DPP10: variants seen among roughly 807,000 people sequenced by gnomAD.
The protein encoded by DPP10 is dipeptidyl peptidase like 10, also known as inactive dipeptidyl peptidase 10.
In DPP10, 33 loss-of-function variants were observed where a neutral mutation model predicts 120.9. The observed-to-expected ratio is 0.27, with a 90% CI of 0.21 to 0.37. The LOEUF (loss-of-function observed/expected upper bound fraction) is 0.37, where lower values mean the gene tolerates loss of function less well. DPP10 is among the 10% of genes least tolerant of loss of function. The pLI is 1.00. For synonymous variants in DPP10, 337 were observed against 326.1 expected (o/e 1.03, Z -0.36); for missense variants, 816 against 942.8 (o/e 0.87, Z 1.76).
chr2:114,796,163 A>G (rs1375347421), intron 1 of DPP10, among the ~76,000 whole-genome samples: 1 of 152,156 alleles, frequency 6.6e-6, no homozygotes, highest in Non-Finnish European at 1.5e-5. Flanking sequence ...CACTGTATTT[A>G]GTGCAATACA....
intron 5 of DPP10, among the ~76,000 whole-genome samples, chr2:115,602,921 A>G (rs1289961619): frequency 6.6e-6 from 1 of 152,176 alleles, no homozygotes; most frequent in Non-Finnish European, 1.5e-5. Flanking sequence ...AATTATAATT[A>G]TTTTTAAATA....
At chr2:114,627,955 A>G (rs983584503) in intron 1 of DPP10, among the ~76,000 whole-genome samples, 71 of 152,150 alleles carry the variant, frequency 4.7e-4, no homozygotes, top group Non-Finnish European at 7.4e-5. Flanking sequence ...GAAATGGGGT[A>G]CTTTCAGCAT....
At chr2:115,713,403 AT>A (rs2092393491) in intron 7 of DPP10, among the ~76,000 whole-genome samples, 1 of 152,190 alleles carries the variant, frequency 6.6e-6, no homozygotes, top group African/African-American at 2.4e-5. Flanking sequence ...ATTATTGAAC[AT>A]TATTATGGGA....
chr2:115,728,831 T>G (rs948617704), intron 8 of DPP10, among the ~76,000 whole-genome samples: 3 of 152,206 alleles, frequency 2.0e-5, no homozygotes, highest in Admixed American at 6.5e-5. Flanking sequence ...GATGTCTAGG[T>G]GCCAGGATAA....
At chr2:115,226,254 T>C (rs1375127031) in intron 1 of DPP10, among the ~76,000 whole-genome samples, 1 of 152,178 alleles carries the variant, frequency 6.6e-6, no homozygotes, top group Non-Finnish European at 1.5e-5. Flanking sequence ...CTGTTTGATA[T>C]GTTCTTTATT....
chr2:114,834,879 C>T (rs1687556622), intron 1 of DPP10, among the ~76,000 whole-genome samples: 1 of 148,314 alleles, frequency 6.7e-6, no homozygotes, highest in South Asian at 2.1e-4. Flanking sequence ...GACATATCTA[C>T]ACAACTATGT....
chr2:114,996,176 G>A (rs948732463), intron 1 of DPP10, among the ~76,000 whole-genome samples: 3 of 152,180 alleles, frequency 2.0e-5, no homozygotes. Flanking sequence ...TCTTCTGAGG[G>A]ATTTAATTTA....
intron 1 of DPP10, among the ~76,000 whole-genome samples, chr2:114,490,514 T>A (rs1327784737): frequency 1.3e-5 from 2 of 152,150 alleles, no homozygotes; most frequent in East Asian, 3.9e-4. Context: ...GCTCCACACC[T>A]GTAATCAATG....
intron 7 of DPP10, among the ~76,000 whole-genome samples, chr2:115,699,620 C>A (rs1318755892): frequency 2.6e-5 from 4 of 152,064 alleles, no homozygotes; most frequent in African/African-American, 9.7e-5. Flanking sequence ...AAAAGAAAAA[C>A]AAACAAACCA....
chr2:114,593,900 G>A (rs1320851921), intron 1 of DPP10, among the ~76,000 whole-genome samples: 2 of 152,172 alleles, frequency 1.3e-5, no homozygotes, highest in Non-Finnish European at 2.9e-5. Context: ...CCTCACTGCT[G>A]TTTGCTGCGG....
intron 5 of DPP10, among the ~76,000 whole-genome samples, chr2:115,592,393 T>C (rs1339431612): frequency 2.0e-5 from 3 of 151,794 alleles, no homozygotes; most frequent in African/African-American, 2.4e-5. Context: ...CTTTTAAAGG[T>C]GTCAGCCTCT....
chr2:115,089,216 G>C lies in DPP10; in HGVS notation c.61-220023G>C, dbSNP rs191989654. Reference sequence around the variant, plus strand: ...TACCTAGACCTCATGGTCAATCATCGCATTGATCATTTCTTTCTAATATTA... The same window carrying C: ...TACCTAGACCTCATGGTCAATCATCCCATTGATCATTTCTTTCTAATATTA... On this transcript the variant is annotated intron_variant, in intron 1 of 25. Coordinates refer to ENST00000410059, the MANE Select transcript of DPP10 (RefSeq NM_020868.6). Among the ~76,000 whole-genome samples, 11 of 151,702 alleles carry C rather than the reference G, an allele frequency of 7.3e-5. No homozygotes were observed. The East Asian group carries it at 2.1e-3, about 29-fold the overall frequency.
intron 1 of DPP10, among the ~76,000 whole-genome samples, chr2:114,840,638 A>T (rs945048707): frequency 6.6e-6 from 1 of 152,182 alleles, no homozygotes; most frequent in Non-Finnish European, 1.5e-5. Flanking sequence ...TTATAGATTT[A>T]TTCAAGAAGA....
intron 1 of DPP10, among the ~76,000 whole-genome samples, chr2:114,922,741 T>C (rs1695290351): frequency 2.0e-5 from 3 of 152,244 alleles, no homozygotes; most frequent in African/African-American, 7.2e-5. Flanking sequence ...TTAAAACTGA[T>C]GAACAATATT....
At chr2:114,633,519 G>C (rs1235915366) in intron 1 of DPP10, among the ~76,000 whole-genome samples, 1 of 151,266 alleles carries the variant, frequency 6.6e-6, no homozygotes, top group Non-Finnish European at 1.5e-5. Context: ...CTCCCAAAGT[G>C]CTCGGATTAC....
Position 114,999,222 on chromosome 2 carries a change from G to A in DPP10, c.61-310017G>A, listed in dbSNP as rs548463372. 6.5e-4 allele frequency among the ~76,000 whole-genome samples: 99 copies of A among 152,282 alleles called. 1 individual carries two copies. The highest frequency in any genetic ancestry group is 1.1e-3 in the Non-Finnish European group (76 of 68,024). On this transcript the variant is annotated intron_variant, in intron 1 of 25. Coordinates refer to ENST00000410059, the MANE Select transcript of DPP10 (RefSeq NM_020868.6). ...GTTGACTGAATGAGTGAGTGAATGA[G>A]TGGAGAGAGCAATGCCAAGAGAGAG...
chr2:115,548,231 C>T (rs974957373), intron 5 of DPP10, among the ~76,000 whole-genome samples: 1 of 152,100 alleles, frequency 6.6e-6, no homozygotes, highest in Non-Finnish European at 1.5e-5. Flanking sequence ...CTTCTGGGAT[C>T]ATTTAAGCGA....
At chr2:115,519,239 A>G (rs2077665122) in intron 4 of DPP10, among the ~76,000 whole-genome samples, 1 of 152,162 alleles carries the variant, frequency 6.6e-6, no homozygotes, top group Non-Finnish European at 1.5e-5. Flanking sequence ...ATGTAAATGA[A>G]TAGAATATTA....
At chr2:114,562,817 C>T (rs897564993) in intron 1 of DPP10, among the ~76,000 whole-genome samples, 2 of 152,034 alleles carry the variant, frequency 1.3e-5, no homozygotes, top group Admixed American at 1.3e-4. Flanking sequence ...GTATATGTAA[C>T]CTTTCCAAAT....
Sources: gnomAD v4.1 joint callset for allele counts (sites outside exome capture counted in the v4.1 genomes callset) on GRCh38, gnomAD v4.1.1 for gene constraint, MANE v1.5 for transcripts, NCBI Gene and HGNC (gene_info 2026-07-23, HGNC 2026-07-21) for gene names.